DYM: variants seen among roughly 807,000 people sequenced by gnomAD.
DYM encodes the protein dyggve-Melchior-Clausen syndrome protein.
A neutral mutation model predicts 93.1 loss-of-function variants in DYM; 78 were observed. That is an observed-to-expected ratio of 0.84 (90% CI 0.70 to 1.01). DYM has a LOEUF of 1.01. Among genes scored for constraint, DYM ranks in the 50% least tolerant of loss-of-function variants. DYM has a pLI of 0.00. For missense variants in DYM, 789 were observed against 845.0 expected (o/e 0.93, Z 0.82); for synonymous variants, 321 against 319.7 (o/e 1.00, Z -0.04).
chr18:49,298,648 G>A (rs2060710135), intron 8 of DYM, among the ~76,000 whole-genome samples: 1 of 151,668 alleles, frequency 6.6e-6, no homozygotes, highest in South Asian at 2.1e-4. Flanking sequence ...ATGTCATATG[G>A]AAGTTTTTTT....
intron 13 of DYM, among the ~76,000 whole-genome samples, chr18:49,214,099 T>A (rs567598895): frequency 6.6e-6 from 1 of 152,168 alleles, no homozygotes; most frequent in Non-Finnish European, 1.5e-5. Flanking sequence ...CACGAAATGC[T>A]TGGGATTCAG....
At chr18:49,340,624 T>A (rs79988068) in intron 6 of DYM, among the ~76,000 whole-genome samples, 1,663 of 152,304 alleles carry the variant, frequency 0.011, 29 homozygotes, top group African/African-American at 0.038. Context: ...CTATGTCTGA[T>A]GAGTCTAAAA....
chr18:49,232,603 CTTTTTT>C (rs777802663), intron 13 of DYM, among the ~76,000 whole-genome samples: 12 of 94,374 alleles, frequency 1.3e-4, no homozygotes, highest in Admixed American at 1.1e-3. Flanking sequence ...TGCCCGGCCT[CTTTTTT>C]TTTTTTTTTT....
intron 2 of DYM, among the ~76,000 whole-genome samples, chr18:49,423,635 T>C (rs2073962864): frequency 6.6e-6 from 1 of 151,776 alleles, no homozygotes; most frequent in Non-Finnish European, 1.5e-5. Flanking sequence ...ATCAACAAAA[T>C]TGATAGACCA....
intron 15 of DYM, among the ~76,000 whole-genome samples, chr18:49,127,456 C>G (rs2082931505): frequency 1.3e-5 from 2 of 152,124 alleles, no homozygotes; most frequent in Non-Finnish European, 2.9e-5. Flanking sequence ...AGTTTCAAAT[C>G]TTTATTTTTA....
intron 2 of DYM, among the ~76,000 whole-genome samples, chr18:49,414,511 TATAAG>T (rs1278884901): frequency 6.6e-6 from 1 of 152,182 alleles, no homozygotes; most frequent in Non-Finnish European, 1.5e-5. Flanking sequence ...CCATACAACT[TATAAG>T]ATCTTTCACA....
intron 2 of DYM, among the ~76,000 whole-genome samples, chr18:49,401,423 A>C (rs911260239): frequency 3.9e-5 from 6 of 152,216 alleles, no homozygotes; most frequent in African/African-American, 9.6e-5. Flanking sequence ...TTACTGATAC[A>C]TAATAATTGT....
chr18:49,118,145 G>T (rs531018907), intron 16 of DYM, among the ~76,000 whole-genome samples: 1 of 151,786 alleles, frequency 6.6e-6, no homozygotes, highest in South Asian at 2.1e-4. Context: ...AAGTAGCTGG[G>T]ATTATAGGCA....
intron 15 of DYM, among the ~76,000 whole-genome samples, chr18:49,161,443 C>A (rs1052759977): frequency 6.6e-6 from 1 of 152,150 alleles, no homozygotes; most frequent in Non-Finnish European, 1.5e-5. Flanking sequence ...GAGTAAATGG[C>A]ACAGGAATAC....
Position 49,132,128 on chromosome 18 carries a change from G to A in DYM, c.1729-13202C>T, listed in dbSNP as rs770174940. 6.6e-5 allele frequency among the ~76,000 whole-genome samples: 10 copies of A among 152,236 alleles called. 1 individual carries two copies. The South Asian group carries it at 1.5e-3, about 22-fold the overall frequency. ...ATTTTGTTAGATGTGATAATGATAT[G>A]TGATTATGAAAGAAAATGTTATTAT... On this transcript the variant is annotated intron_variant, in intron 15 of 17. Transcript: ENST00000675505.
At chr18:49,131,903 T>C (rs1199727999) in intron 15 of DYM, among the ~76,000 whole-genome samples, 1 of 152,118 alleles carries the variant, frequency 6.6e-6, no homozygotes, top group African/African-American at 2.4e-5. Flanking sequence ...GGACAAATGG[T>C]TCAATTTCTG....
intron 15 of DYM, among the ~76,000 whole-genome samples, chr18:49,153,969 G>A (rs2086104809): frequency 6.6e-6 from 1 of 152,142 alleles, no homozygotes; most frequent in African/African-American, 2.4e-5. Flanking sequence ...TTAGCAAAAT[G>A]GTCAAGGTAA....
At chr18:49,353,781 C>A (rs1466460540) in intron 6 of DYM, among the ~76,000 whole-genome samples, 1 of 151,854 alleles carries the variant, frequency 6.6e-6, no homozygotes, top group Non-Finnish European at 1.5e-5. Context: ...AATCAAATAA[C>A]TAAATAAATA....
chr18:49,215,680 T>C (rs2092998418), intron 13 of DYM, among the ~76,000 whole-genome samples: 1 of 152,178 alleles, frequency 6.6e-6, no homozygotes, highest in Non-Finnish European at 1.5e-5. Context: ...AAAGTTGAAC[T>C]AAAAAGAAAA....
chr18:49,211,612 C>CA (rs1478934665), intron 13 of DYM, among the ~76,000 whole-genome samples: 1 of 152,184 alleles, frequency 6.6e-6, no homozygotes, highest in African/African-American at 2.4e-5. Flanking sequence ...ATTCAACCAC[C>CA]AGCCTATCAA....
At chr18:49,289,404 TAAAAAAAAAAAAA>T (rs56240607) in intron 8 of DYM, among the ~76,000 whole-genome samples, 115 of 33,542 alleles carry the variant, frequency 3.4e-3, no homozygotes, top group African/African-American at 9.6e-3. Context: ...TACAAATCAG[TAAAAAAAAAAAAA>T]AAAAAAAAAA....
intron 15 of DYM, among the ~76,000 whole-genome samples, chr18:49,134,866 G>C (rs2083684288): frequency 6.6e-6 from 1 of 152,222 alleles, no homozygotes; most frequent in Admixed American, 6.5e-5. Context: ...CCAGGACTTT[G>C]GGAGGCTGAG....
chr18:49,156,708 G>C (rs371642597), intron 15 of DYM, among the ~76,000 whole-genome samples: 4 of 148,046 alleles, frequency 2.7e-5, no homozygotes, highest in African/African-American at 1.0e-4. Context: ...CTCCAGCCTG[G>C]GCGACAGAGT....
At chr18:49,418,849 G>A (rs558324500) in intron 2 of DYM, among the ~76,000 whole-genome samples, 1 of 152,232 alleles carries the variant, frequency 6.6e-6, no homozygotes, top group East Asian at 1.9e-4. Flanking sequence ...CCATCAGTGA[G>A]GAGCAGGGCA....
Sources: gnomAD v4.1 joint callset for allele counts (sites outside exome capture counted in the v4.1 genomes callset) on GRCh38, gnomAD v4.1.1 for gene constraint, MANE v1.5 for transcripts, NCBI Gene and HGNC (gene_info 2026-07-23, HGNC 2026-07-21) for gene names.